Variants in RBFOX1 observed in about 807,000 individuals in gnomAD.
RBFOX1 encodes the protein RNA binding fox-1 homolog 1.
A neutral mutation model predicts 57.7 loss-of-function variants in RBFOX1; 8 were observed. The observed-to-expected ratio is 0.14, with a 90% CI of 0.08 to 0.25. RBFOX1 has a LOEUF of 0.25. Among genes scored for constraint, RBFOX1 ranks in the 10% least tolerant of loss-of-function variants. The pLI, the probability that RBFOX1 is intolerant of heterozygous loss-of-function variation, is 1.00. For synonymous variants in RBFOX1, 326 were observed against 222.4 expected (o/e 1.47, Z -4.15); for missense variants, 611 against 548.5 (o/e 1.11, Z -1.14).
intron 2 of RBFOX1, among the ~76,000 whole-genome samples, chr16:6,586,361 G>C (rs1437829734): frequency 2.6e-5 from 4 of 152,148 alleles, no homozygotes; most frequent in Non-Finnish European, 4.4e-5. Context: ...AAAACCAGCA[G>C]CATAAATGGA....
intron 4 of RBFOX1, among the ~76,000 whole-genome samples, chr16:7,166,076 T>A (rs1159973938): frequency 6.6e-6 from 1 of 152,094 alleles, no homozygotes; most frequent in Non-Finnish European, 1.5e-5. Context: ...TGCAGTGGAT[T>A]GATCTCAGCC....
rs186416965 is a variant in RBFOX1 at position 7,699,473 on chromosome 16, C to T, written c.996-9583C>T. The stretch of plus-strand genomic sequence containing the variant: ...TACCAAAGTCCTGCGAGTACAGGCA[C>T]GGGCCCACCACACCCAGCCAACGTT... On this transcript the variant is annotated intron_variant, in intron 14 of 15. Coordinates refer to ENST00000550418, the MANE Select transcript of RBFOX1 (RefSeq NM_018723.4). Among the ~76,000 whole-genome samples the T allele has an allele frequency of 3.4e-3, 521 of 152,250 alleles. 2 individuals are homozygous for T. Among genetic ancestry groups the T allele is most frequent in the Non-Finnish European group, 5.6e-3 (381 of 68,024 alleles).
chr16:7,397,191 C>T (rs181498433), intron 4 of RBFOX1, among the ~76,000 whole-genome samples: 3 of 152,276 alleles, frequency 2.0e-5, no homozygotes, highest in East Asian at 3.9e-4. Context: ...TCTTCTATCT[C>T]TGGTGCTGAG....
At chr16:7,375,125 A>G (rs185536773) in intron 4 of RBFOX1, among the ~76,000 whole-genome samples, 1 of 152,356 alleles carries the variant, frequency 6.6e-6, no homozygotes, top group East Asian at 1.9e-4. Context: ...ATTACGCATT[A>G]TCCTGCTTAA....
intron 1 of RBFOX1, among the ~76,000 whole-genome samples, chr16:5,459,905 C>G (rs956490013): frequency 2.6e-5 from 4 of 152,160 alleles, no homozygotes; most frequent in Non-Finnish European, 4.4e-5. Context: ...ACACCTTAAT[C>G]TTCACTGCCT....
At chr16:5,970,762 C>T (rs2059946168) in intron 4 of RBFOX1, among the ~76,000 whole-genome samples, 1 of 152,164 alleles carries the variant, frequency 6.6e-6, no homozygotes, top group Non-Finnish European at 1.5e-5. Context: ...ACATCAAAAT[C>T]ATGAAGTCTA....
chr16:6,159,533 C>T (rs1440444137), intron 1 of RBFOX1, among the ~76,000 whole-genome samples: 1 of 152,170 alleles, frequency 6.6e-6, no homozygotes, highest in African/African-American at 2.4e-5. Context: ...TTCCAGTGCA[C>T]ACAGCACAGG....
chr16:7,579,629 A>C (rs922018851), intron 5 of RBFOX1, 148 bp from the exon 6 acceptor site: 3 of 876,670 alleles, frequency 3.4e-6, no homozygotes, highest in Non-Finnish European at 5.2e-6. Context: ...TTGCTGAATG[A>C]ATGCATGCAT....
chr16:7,510,920 AG>A (rs1252206197), intron 4 of RBFOX1, among the ~76,000 whole-genome samples: 2 of 152,156 alleles, frequency 1.3e-5, no homozygotes, highest in Non-Finnish European at 2.9e-5. Flanking sequence ...CTTCATTATA[AG>A]GGTTGAGTTA....
At chr16:5,347,925 CAT>C (rs2065178475) in intron 1 of RBFOX1, among the ~76,000 whole-genome samples, 1 of 146,096 alleles carries the variant, frequency 6.8e-6, no homozygotes, top group Admixed American at 6.8e-5. Flanking sequence ...CCCATCAACC[CAT>C]CCTTCCACTC....
chr16:5,650,835 G>A (rs982629474), intron 3 of RBFOX1, among the ~76,000 whole-genome samples: 12 of 152,082 alleles, frequency 7.9e-5, no homozygotes, highest in Admixed American at 2.0e-4. Flanking sequence ...CGGGGCAGCA[G>A]GCGACGGGTC....
At chr16:6,217,539 G>C (rs1215354433) in intron 1 of RBFOX1, among the ~76,000 whole-genome samples, 2 of 152,186 alleles carry the variant, frequency 1.3e-5, no homozygotes, top group East Asian at 1.9e-4. Context: ...GATTCCCCCT[G>C]CTCCTTTGCA....
rs546871929 is a variant in RBFOX1, at chr16:6,885,454, C to T, written c.-15-166603C>T. 7.2e-5 allele frequency among the ~76,000 whole-genome samples: 11 copies of T among 152,294 alleles called. No individual in the cohort carries two copies. In the South Asian group the frequency reaches 1.2e-3, roughly 17 times the overall value. ...GAGTTCTATAGTACCTTTCAGTATT[C>T]GTAACAGTGATTCCTGGAGACTTTC... On this transcript the variant is annotated intron_variant, in intron 3 of 15. Coordinates refer to ENST00000550418, the MANE Select transcript of RBFOX1 (RefSeq NM_018723.4).
At chr16:6,985,817 G>A (rs1210917260) in intron 3 of RBFOX1, among the ~76,000 whole-genome samples, 2 of 119,384 alleles carry the variant, frequency 1.7e-5, no homozygotes, top group Non-Finnish European at 3.2e-5. Flanking sequence ...CTGGGCCACA[G>A]AGCGTGAGTT....
chr16:6,857,698 C>T (rs968155391), intron 3 of RBFOX1, among the ~76,000 whole-genome samples: 1 of 152,250 alleles, frequency 6.6e-6, no homozygotes, highest in Non-Finnish European at 1.5e-5. Flanking sequence ...CGGAGTGTAT[C>T]AGTTGTTCAT....
At chr16:7,594,004 C>G (rs2094568586) in intron 7 of RBFOX1, among the ~76,000 whole-genome samples, 2 of 152,050 alleles carry the variant, frequency 1.3e-5, no homozygotes, top group African/African-American at 4.8e-5. Context: ...ACTTTAAGTT[C>G]TAGGGTACAG....
chr16:6,002,419 G>A (rs1296277606), intron 4 of RBFOX1, among the ~76,000 whole-genome samples: 1 of 152,194 alleles, frequency 6.6e-6, no homozygotes, highest in Admixed American at 6.5e-5. Flanking sequence ...GTGCGTACTA[G>A]TTAACAAGAC....
At chr16:6,391,387 G>A (rs2092593604) in intron 2 of RBFOX1, among the ~76,000 whole-genome samples, 1 of 151,954 alleles carries the variant, frequency 6.6e-6, no homozygotes, top group South Asian at 2.1e-4. Flanking sequence ...GCGGGCACCT[G>A]TAGTCCCAGC....
chr16:5,375,941 T>C (rs1165880013), intron 1 of RBFOX1, among the ~76,000 whole-genome samples: 1 of 152,074 alleles, frequency 6.6e-6, no homozygotes, highest in African/African-American at 2.4e-5. Flanking sequence ...CTGAGGTGGC[T>C]GGATCATTTG....
Sources: gnomAD v4.1 joint callset for allele counts (sites outside exome capture counted in the v4.1 genomes callset) on GRCh38, gnomAD v4.1.1 for gene constraint, MANE v1.5 for transcripts, NCBI Gene and HGNC (gene_info 2026-07-23, HGNC 2026-07-21) for gene names.